CEP112: variants seen among roughly 807,000 people sequenced by gnomAD.
CEP112 encodes centrosomal protein 112, also known as centrosomal protein of 112 kDa.
CEP112 carries 127 observed loss-of-function variants against 153.0 expected under a neutral mutation model. The observed-to-expected ratio is 0.83, with a 90% CI of 0.72 to 0.96. CEP112 has a LOEUF of 0.96. CEP112 is among the 40% of genes least tolerant of loss of function. The pLI is 0.00. For missense variants in CEP112, 1,089 were observed against 1,101.2 expected, an observed-to-expected ratio of 0.99 and a Z score of 0.16; for synonymous variants, 358 against 374.4, an observed-to-expected ratio of 0.96 and a Z score of 0.51.
At chr17:65,721,751 ATTAG>A (rs551458937) in intron 23 of CEP112, among the ~76,000 whole-genome samples, 89 of 152,166 alleles carry the variant, frequency 5.8e-4, no homozygotes, top group Non-Finnish European at 1.1e-3. Context: ...CGCTCTTTAA[ATTAG>A]TTAGTGTTTA....
At position 66,191,157 on chromosome 17, in the gene CEP112, G is replaced by A. The variant is rs2146967018; in HGVS notation, c.-9+840C>T. ...TTTCCATGGTCATTTCACAGAGGAAGAAGGAAGCTGAGGCTTAAGTGAGGT... is the reference window on the plus strand; with the variant it reads ...TTTCCATGGTCATTTCACAGAGGAAAAAGGAAGCTGAGGCTTAAGTGAGGT... On this transcript the variant is annotated intron_variant, in intron 1 of 26. Transcript: ENST00000535342. The surrounding 1 kb of genome is among the most constrained non-coding windows in gnomAD (Gnocchi z 4.2). 6.6e-6 allele frequency among the ~76,000 whole-genome samples: 1 copy of A among 152,270 alleles called. No individual in the cohort carries two copies. The highest frequency in any genetic ancestry group is 1.9e-4 in the East Asian group (1 of 5,166).
At chr17:65,918,693 A>G (rs1281026266) in intron 19 of CEP112, among the ~76,000 whole-genome samples, 1 of 152,168 alleles carries the variant, frequency 6.6e-6, no homozygotes, top group Non-Finnish European at 1.5e-5. Flanking sequence ...TGAAAAGACA[A>G]TTAGAATTGT....
intron 23 of CEP112, among the ~76,000 whole-genome samples, chr17:65,734,192 T>C (rs534946677): frequency 6.6e-6 from 1 of 152,236 alleles, no homozygotes; most frequent in South Asian, 2.1e-4. Flanking sequence ...TTGGCACGAG[T>C]TTCTCACTCT....
intron 8 of CEP112, among the ~76,000 whole-genome samples, chr17:66,092,356 A>AACACACACACAC (rs3056819): frequency 0.084 from 11,326 of 134,974 alleles, 1,033 homozygotes; most frequent in East Asian, 0.47. Context: ...CATTAATTTA[A>AACACACACACAC]ACACACACAC....
At chr17:65,670,539 C>T (rs1414522127) in intron 24 of CEP112, among the ~76,000 whole-genome samples, 2 of 152,068 alleles carry the variant, frequency 1.3e-5, no homozygotes, top group African/African-American at 4.8e-5. Flanking sequence ...TCACCTTAAC[C>T]CCACCTTCCT....
At chr17:66,028,251 A>G in intron 15 of CEP112, 62 bp downstream of exon 15, 2 of 950,306 alleles carry the variant, frequency 2.1e-6, no homozygotes, top group Non-Finnish European at 3.3e-6. Context: ...TCTCAATGAT[A>G]CATCTGAATC....
At chr17:65,821,540 A>ATTTT (rs869059954) in intron 21 of CEP112, among the ~76,000 whole-genome samples, 5 of 33,640 alleles carry the variant, frequency 1.5e-4, no homozygotes, top group East Asian at 1.2e-3. Context: ...ATATATATAT[A>ATTTT]TTTTTTTTTT....
At chr17:66,176,643 T>G (rs1375112082) in intron 3 of CEP112, 187 bp downstream of exon 3, 3 of 418,450 alleles carry the variant, frequency 7.2e-6, no homozygotes, top group Non-Finnish European at 1.3e-5. Flanking sequence ...ATAAGGATAC[T>G]CCCCTTATAA....
intron 20 of CEP112, among the ~76,000 whole-genome samples, chr17:65,870,086 G>GAAAGA (rs1568144465): frequency 7.0e-6 from 1 of 142,826 alleles, no homozygotes; most frequent in African/African-American, 2.6e-5. Context: ...AGAAAGAAAA[G>GAAAGA]AAAGAAAGAG....
intron 25 of CEP112, among the ~76,000 whole-genome samples, chr17:65,640,280 A>C (rs2045058726): frequency 6.7e-6 from 1 of 149,764 alleles, no homozygotes; most frequent in Non-Finnish European, 1.5e-5. Context: ...CAGCCTTCCA[A>C]GTAGTTGGGA....
chr17:65,913,577 C>A (rs562833786), intron 19 of CEP112: 37 of 985,196 alleles, frequency 3.8e-5, no homozygotes, highest in Non-Finnish European at 4.5e-5. Context: ...TTTGCTACAT[C>A]CATGAAATCT....
intron 8 of CEP112, among the ~76,000 whole-genome samples, chr17:66,078,123 G>T (rs1180792993): frequency 1.3e-5 from 2 of 152,106 alleles, no homozygotes; most frequent in Non-Finnish European, 2.9e-5. Context: ...TGTTGAAAAG[G>T]GTGCCCCTTT....
chr17:65,640,156 T>TATATA lies in CEP112; in HGVS notation c.2799+807_2799+808insTATAT, dbSNP rs1567796006. ...CCCGACCATATATATATATATATAT[T>TATATA]TTTTTTTTTTTTTTTTTGAGACAGT... On this transcript the variant is annotated intron_variant, in intron 25 of 26. Coordinates refer to ENST00000535342, the MANE Select transcript of CEP112 (RefSeq NM_001199165.4). Among the ~76,000 whole-genome samples, 296 of 32,282 alleles carry TATATA rather than the reference T, an allele frequency of 9.2e-3. 7 individuals carry two copies. The highest frequency in any genetic ancestry group is 0.064 in the African/African-American group (280 of 4,364). 21.2% of individuals were successfully genotyped at this position (32,282 alleles called of 152,430 possible).
chr17:65,990,718 C>A (rs939914671), intron 17 of CEP112, among the ~76,000 whole-genome samples: 1 of 152,240 alleles, frequency 6.6e-6, no homozygotes, highest in African/African-American at 2.4e-5. Context: ...ATAAGGACTG[C>A]AATTCCTAGG....
intron 18 of CEP112, among the ~76,000 whole-genome samples, chr17:65,942,576 GGTAA>G (rs1238265180): frequency 1.3e-5 from 2 of 152,130 alleles, no homozygotes; most frequent in Non-Finnish European, 2.9e-5. Context: ...AAGGGCAAAG[GGTAA>G]GTATCAGGTG....
At chr17:65,904,451 C>T (rs1186040112) in intron 19 of CEP112, among the ~76,000 whole-genome samples, 2 of 152,064 alleles carry the variant, frequency 1.3e-5, no homozygotes, top group Non-Finnish European at 2.9e-5. Context: ...GGAAATCAGA[C>T]AGGACACAAA....
intron 7 of CEP112, 103 bp downstream of exon 7, chr17:66,096,482 T>C (rs2146280535): frequency 1.8e-6 from 2 of 1,116,420 alleles, no homozygotes; most frequent in South Asian, 1.4e-5. Flanking sequence ...AAAACTATTA[T>C]GTTTCCTAAT....
intron 6 of CEP112, among the ~76,000 whole-genome samples, chr17:66,112,281 G>A (rs1400220537): frequency 6.6e-6 from 1 of 151,324 alleles, no homozygotes; most frequent in Non-Finnish European, 1.5e-5. Context: ...ATGAGAGTGA[G>A]ACTTTGTCTC....
chr17:65,793,224 C>G (rs1267375020), intron 21 of CEP112, among the ~76,000 whole-genome samples: 1 of 152,116 alleles, frequency 6.6e-6, no homozygotes, highest in African/African-American at 2.4e-5. Context: ...TTTATTTACC[C>G]ATTCATTTAT....
Sources: allele counts gnomAD v4.1 joint callset (sites outside exome capture counted in the v4.1 genomes callset), GRCh38; gene constraint gnomAD v4.1.1; non-coding constraint Gnocchi (gnomAD v3.1); transcripts MANE v1.5; gene names NCBI Gene and HGNC (gene_info 2026-07-23, HGNC 2026-07-21).